CADM2: variants seen among roughly 807,000 people sequenced by gnomAD.
The protein encoded by CADM2 is immunoglobulin superfamily member 4D.
Under a neutral mutation model 49.8 loss-of-function variants are expected in CADM2, and 12 were observed. The ratio of observed to expected loss-of-function variants is 0.24; its 90% CI spans 0.15 to 0.39. The LOEUF is 0.39. Ranked by LOEUF, CADM2 falls within the 10% of genes least tolerant of loss-of-function variation. The probability of loss-of-function intolerance (pLI) is 1.00; values close to 1 mark genes in which losing one functional copy is unlikely to be tolerated. For synonymous variants in CADM2, 214 were observed against 175.4 expected (o/e 1.22, Z -1.74); for missense variants, 378 against 492.3 (o/e 0.77, Z 2.20).
In CADM2 at chr3:85,790,426, G is replaced by C. The variant is rs973298109; in HGVS notation, c.89-11621G>C. Among the ~76,000 whole-genome samples the C allele has an allele frequency of 2.6e-5, 4 of 152,112 alleles. No homozygotes were observed. The South Asian group carries it at 6.2e-4, about 24-fold the overall frequency. ...CCAGGGGTTATCCCATAAGTTCCCT[G>C]GTCTGCTATGAGCAGCCTAGAAAAC... On this transcript the variant is annotated intron_variant, in intron 2 of 9. Coordinates refer to ENST00000383699, the MANE Select transcript of CADM2 (RefSeq NM_001167675.2).
chr3:85,271,067 C>T (rs2043231276), intron 1 of CADM2, among the ~76,000 whole-genome samples: 1 of 151,180 alleles, frequency 6.6e-6, no homozygotes, highest in Non-Finnish European at 1.5e-5. Context: ...ACTGAAACAC[C>T]ATATGAAGTT....
At chr3:85,192,171 G>T (rs1287146806) in intron 1 of CADM2, among the ~76,000 whole-genome samples, 2 of 151,518 alleles carry the variant, frequency 1.3e-5, no homozygotes, top group Non-Finnish European at 2.9e-5. Context: ...TCAACTTTAT[G>T]GTGTACTAAA....
intron 1 of CADM2, among the ~76,000 whole-genome samples, chr3:85,212,886 C>CTTTCTT (rs775133101): frequency 2.6e-5 from 2 of 77,896 alleles, no homozygotes; most frequent in African/African-American, 8.5e-5. Context: ...TTCTTTCTTT[C>CTTTCTT]TCTTTCTTTC....
intron 1 of CADM2, among the ~76,000 whole-genome samples, chr3:85,456,569 A>C (rs185763404): frequency 6.6e-6 from 1 of 152,296 alleles, no homozygotes; most frequent in Non-Finnish European, 1.5e-5. Flanking sequence ...TATATAGCAT[A>C]CTTTTTCAAA....
Position 86,065,639 on chromosome 3 carries a change from C to T in CADM2, c.1005C>T (p.Asp335=), listed in dbSNP as rs780576524. 1.9e-6 allele frequency: 3 copies of T among 1,613,896 alleles called. No individual in the cohort carries two copies. In the Admixed American group the frequency reaches 5.0e-5, roughly 27 times the overall value. The part of the protein sequence containing the change: ...PNALAGQNGP[D]HALIGGIVAV... ...CTTTGGCTGGCCAGAATGGCCCTGACCATGCTCTCATAGGAGGAATAGTGG... is the reference window on the plus strand; with the variant it reads ...CTTTGGCTGGCCAGAATGGCCCTGATCATGCTCTCATAGGAGGAATAGTGG... Residue 335 remains aspartate (D), a synonymous_variant, in exon 9 of 10, where the codon GAC becomes GAT. Transcript: ENST00000383699.
intron 1 of CADM2, among the ~76,000 whole-genome samples, chr3:85,455,799 T>C (rs1433714): frequency 2.0e-5 from 3 of 151,958 alleles, no homozygotes; most frequent in African/African-American, 7.3e-5. Context: ...CAAACAATTA[T>C]GTGATTGGCT....
At chr3:85,729,375 T>C (rs2067840125) in intron 2 of CADM2, among the ~76,000 whole-genome samples, 1 of 152,134 alleles carries the variant, frequency 6.6e-6, no homozygotes, top group South Asian at 2.1e-4. Flanking sequence ...AATGGGGCCA[T>C]TTTCTAGACA....
intron 8 of CADM2, chr3:85,993,486 C>T (rs755215866): frequency 1.5e-4 from 23 of 152,166 alleles, no homozygotes; most frequent in Non-Finnish European, 2.6e-4. Context: ...ATTTTGACTT[C>T]CTCCCAGGAA....
intron 1 of CADM2, among the ~76,000 whole-genome samples, chr3:85,090,109 A>C (rs1203424509): frequency 6.7e-6 from 1 of 150,206 alleles, no homozygotes. Flanking sequence ...TTTATATACA[A>C]AAAAAAGGCG....
At position 85,071,082 on chromosome 3, in the gene CADM2, G is replaced by A. The variant is rs187026956; in HGVS notation, c.61+111414G>A. Among the ~76,000 whole-genome samples the A allele has an allele frequency of 2.4e-3, 369 of 151,668 alleles. 1 individual carries two copies. The highest frequency in any genetic ancestry group is 8.6e-3 in the African/African-American group (356 of 41,428). The stretch of plus-strand genomic sequence containing the variant: ...TTGTATAGTGACTAACATAAGGTAC[G>A]TTCTCCATAAGAAATGTTAAATAAT... On this transcript the variant is annotated intron_variant, in intron 1 of 9. Coordinates refer to ENST00000383699, the MANE Select transcript of CADM2 (RefSeq NM_001167675.2).
intron 1 of CADM2, among the ~76,000 whole-genome samples, chr3:85,654,306 TAC>T (rs936850948): frequency 2.0e-5 from 3 of 152,156 alleles, no homozygotes; most frequent in Admixed American, 6.5e-5. Flanking sequence ...AGTAAAAAGT[TAC>T]AGTTATTGGA....
chr3:85,325,585 G>A (rs747656500), intron 1 of CADM2, among the ~76,000 whole-genome samples: 1 of 151,456 alleles, frequency 6.6e-6, no homozygotes, highest in Non-Finnish European at 1.5e-5. Context: ...AGCTACTGGC[G>A]AGGCTGAGGC....
chr3:86,013,740 G>T, intron 8 of CADM2: 1 of 1,592,422 alleles, frequency 6.3e-7, no homozygotes, highest in Non-Finnish European at 8.6e-7. Context: ...GCCTTATGAA[G>T]CTGATGCAGA....
At chr3:85,210,832 C>T (rs2041760848) in intron 1 of CADM2, among the ~76,000 whole-genome samples, 1 of 152,156 alleles carries the variant, frequency 6.6e-6, no homozygotes, top group African/African-American at 2.4e-5. Context: ...TGAGGCACCA[C>T]ACCAGCCAGA....
At chr3:85,047,430 A>G (rs539234733) in intron 1 of CADM2, among the ~76,000 whole-genome samples, 13 of 152,262 alleles carry the variant, frequency 8.5e-5, no homozygotes, top group Admixed American at 4.6e-4. Flanking sequence ...TAATTTGTCA[A>G]TTATCTCTCC....
chr3:85,133,055 C>A (rs111692511), intron 1 of CADM2, among the ~76,000 whole-genome samples: 44 of 152,096 alleles, frequency 2.9e-4, no homozygotes, highest in African/African-American at 1.0e-3. Context: ...GCTCTTAAGG[C>A]GGCGAGTCTA....
intron 1 of CADM2, among the ~76,000 whole-genome samples, chr3:85,507,774 C>T (rs2040423212): frequency 1.3e-5 from 2 of 152,136 alleles, no homozygotes; most frequent in Admixed American, 1.3e-4. Context: ...TTCTCATGCT[C>T]TCAAAATGTA....
chr3:85,158,590 A>G (rs2040215962), intron 1 of CADM2, among the ~76,000 whole-genome samples: 1 of 152,152 alleles, frequency 6.6e-6, no homozygotes, highest in African/African-American at 2.4e-5. Flanking sequence ...TATCGCCAAG[A>G]ACGAAAAAAC....
intron 2 of CADM2, among the ~76,000 whole-genome samples, chr3:85,784,856 G>A (rs779354578): frequency 6.6e-5 from 10 of 152,234 alleles, no homozygotes; most frequent in Non-Finnish European, 1.5e-4. Flanking sequence ...AGTTTAAATA[G>A]AATTGGCATT....
Sources: allele counts gnomAD v4.1 joint callset (sites outside exome capture counted in the v4.1 genomes callset), GRCh38; gene constraint gnomAD v4.1.1; transcripts MANE v1.5; gene names NCBI Gene and HGNC (gene_info 2026-07-23, HGNC 2026-07-21).